Variants in FRK observed in about 807,000 individuals in gnomAD.
FRK encodes tyrosine-protein kinase FRK.
In FRK, 51 loss-of-function variants were observed where a neutral mutation model predicts 56.4. The ratio of observed to expected loss-of-function variants is 0.90; its 90% confidence interval spans 0.72 to 1.14. FRK has a LOEUF of 1.14. FRK is among the 50% of genes most tolerant of loss of function. The probability of loss-of-function intolerance (pLI) is 0.00; values close to 1 mark genes in which losing one functional copy is unlikely to be tolerated. For missense variants in FRK, 570 were observed against 601.4 expected, an observed-to-expected ratio of 0.95 and a Z score of 0.55; for synonymous variants, 245 against 217.9, an observed-to-expected ratio of 1.12 and a Z score of -1.10.
At chr6:115,965,874 G>A (rs1773542168) in intron 4 of FRK, among the ~76,000 whole-genome samples, 1 of 74,010 alleles carries the variant, frequency 1.4e-5, no homozygotes, top group Admixed American at 1.5e-4. Flanking sequence ...CACAGGAAGG[G>A]GAATATCACA....
chr6:116,069,496 C>A, the FRK span, among the ~76,000 whole-genome samples: 1 of 152,180 alleles, frequency 6.6e-6, no homozygotes, highest in East Asian at 1.9e-4. Context: ...TTTGGCCAGG[C>A]ATGGTGGCTC....
intron 3 of FRK, 98 bp downstream of exon 3, chr6:115,968,478 A>G: frequency 7.1e-7 from 1 of 1,407,182 alleles, no homozygotes; most frequent in Non-Finnish European, 9.7e-7. Context: ...ATAAAATGAC[A>G]ATTTTTTTCC....
At chr6:115,954,357 T>A (rs756590522) in intron 5 of FRK, among the ~76,000 whole-genome samples, 2 of 152,184 alleles carry the variant, frequency 1.3e-5, no homozygotes, top group Non-Finnish European at 2.9e-5. Context: ...CTAGCTGTTA[T>A]GTTAAGAAGA....
At position 116,060,800 on chromosome 6, in the gene FRK, G is replaced by T. The variant is rs190251355; in HGVS notation, c.-489C>A. On this transcript the variant is annotated 5_prime_UTR_variant, in exon 1 of 8. In the 5' UTR this introduces an upstream ATG that the reference lacks. Transcript: ENST00000606080. ...CAAGTCTGTTCCTGTCTTTCGACCA[G>T]TCCGGATCTGGACGGCTCTCTCCTT... 390 of 157,206 alleles carry T rather than the reference G, an allele frequency of 2.5e-3. 1 individual carries two copies. The highest frequency in any genetic ancestry group is 4.5e-3 in the Non-Finnish European group (318 of 71,254). The allele number at this position is 157,206 out of a possible 1,614,324, so 9.7% of individuals were successfully genotyped here.
chr6:115,976,951 T>C (rs1041475269), intron 2 of FRK, among the ~76,000 whole-genome samples: 1 of 152,142 alleles, frequency 6.6e-6, no homozygotes, highest in Non-Finnish European at 1.5e-5. Flanking sequence ...CAACTTAACA[T>C]AGTGGCTACC....
intron 4 of FRK, among the ~76,000 whole-genome samples, chr6:115,958,653 AAAG>A (rs1773127410): frequency 1.6e-3 from 5 of 3,032 alleles, no homozygotes; most frequent in Admixed American, 3.6e-3. Context: ...GAAAAGAAAG[AAAG>A]AAAGAAAGAA....
chr6:116,085,865 G>A, the FRK span, among the ~76,000 whole-genome samples: 1 of 152,166 alleles, frequency 6.6e-6, no homozygotes, highest in Non-Finnish European at 1.5e-5. Context: ...AAATGGACAT[G>A]TTTTTGTTTA....
intron 4 of FRK, among the ~76,000 whole-genome samples, chr6:115,957,292 T>G (rs1773039329): frequency 6.6e-6 from 1 of 152,352 alleles, no homozygotes; most frequent in South Asian, 2.1e-4. Context: ...AAGACTTGTC[T>G]GCAATTAAAT....
chr6:116,006,520 C>A (rs1775253911), intron 1 of FRK, among the ~76,000 whole-genome samples: 1 of 152,190 alleles, frequency 6.6e-6, no homozygotes, highest in African/African-American at 2.4e-5. Flanking sequence ...TTCTAGACTA[C>A]ATGCTGTATG....
chr6:116,092,829 GGA>G, the FRK span, among the ~76,000 whole-genome samples: 1 of 152,084 alleles, frequency 6.6e-6, no homozygotes, highest in Non-Finnish European at 1.5e-5. Flanking sequence ...CTTTCACATG[GGA>G]AACACTCAGT....
intron 1 of FRK, among the ~76,000 whole-genome samples, chr6:116,038,224 C>A (rs978579248): frequency 6.6e-6 from 1 of 152,022 alleles, no homozygotes; most frequent in Non-Finnish European, 1.5e-5. Flanking sequence ...TCCAACCAAG[C>A]TCAGAAAGGC....
intron 1 of FRK, among the ~76,000 whole-genome samples, chr6:116,010,171 G>A (rs144734002): frequency 0.039 from 5,932 of 151,680 alleles, 253 homozygotes; most frequent in Admixed American, 0.13. Context: ...GCAGTGAGCC[G>A]AGATCATGCC....
At chr6:115,949,061 T>C (rs1772591037) in intron 5 of FRK, among the ~76,000 whole-genome samples, 1 of 152,178 alleles carries the variant, frequency 6.6e-6, no homozygotes, top group Non-Finnish European at 1.5e-5. Context: ...AAAAGGGAGT[T>C]TGCTCATGAT....
intron 2 of FRK, among the ~76,000 whole-genome samples, chr6:115,981,240 C>T (rs1774188028): frequency 6.6e-6 from 1 of 152,138 alleles, no homozygotes; most frequent in Admixed American, 6.6e-5. Flanking sequence ...CACAACTTCT[C>T]TTATTCTATT....
chr6:115,996,525 C>T (rs1774847702), intron 2 of FRK, among the ~76,000 whole-genome samples: 2 of 152,054 alleles, frequency 1.3e-5, no homozygotes, highest in Non-Finnish European at 2.9e-5. Flanking sequence ...AAAAAACTGA[C>T]CTGTCAAGGT....
At chr6:116,007,644 T>C (rs1465048383) in intron 1 of FRK, among the ~76,000 whole-genome samples, 5 of 152,208 alleles carry the variant, frequency 3.3e-5, no homozygotes, top group Non-Finnish European at 5.9e-5. Context: ...AGAAATAATA[T>C]ACCAAAGCGG....
chr6:116,003,482 G>A (rs543288357), intron 2 of FRK, among the ~76,000 whole-genome samples: 1 of 152,212 alleles, frequency 6.6e-6, no homozygotes, highest in African/African-American at 2.4e-5. Context: ...TTCGTTTTAT[G>A]TTTAACCAGC....
chr6:116,062,272 G>C (rs1777652959), upstream of FRK, among the ~76,000 whole-genome samples: 1 of 151,898 alleles, frequency 6.6e-6, no homozygotes, highest in Admixed American at 6.6e-5. Context: ...ATAATGATAT[G>C]AGACCTAAAA....
intron 2 of FRK, among the ~76,000 whole-genome samples, chr6:115,994,196 G>A (rs1426066904): frequency 6.6e-6 from 1 of 151,840 alleles, no homozygotes; most frequent in Non-Finnish European, 1.5e-5. Context: ...GTAACATGGG[G>A]TACTTTCAAG....
Sources: allele counts gnomAD v4.1 joint callset (sites outside exome capture counted in the v4.1 genomes callset), GRCh38; gene constraint gnomAD v4.1.1; transcripts MANE v1.5; gene names NCBI Gene and HGNC (gene_info 2026-07-23, HGNC 2026-07-21).